SRPK2: variants seen among roughly 807,000 people sequenced by gnomAD.
SRPK2 encodes the protein SFRS protein kinase 2.
In SRPK2, 21 loss-of-function variants were observed where a neutral mutation model predicts 90.8. The observed-to-expected ratio is 0.23, with a 90% confidence interval of 0.16 to 0.33. The LOEUF is 0.33. Among genes scored for constraint, SRPK2 ranks in the 10% least tolerant of loss-of-function variants. SRPK2 has a pLI of 1.00. For synonymous variants in SRPK2, 288 were observed against 311.1 expected, an observed-to-expected ratio of 0.93 and a Z score of 0.78; for missense variants, 620 against 869.0, an observed-to-expected ratio of 0.71 and a Z score of 3.60.
intron 2 of SRPK2, among the ~76,000 whole-genome samples, chr7:105,289,506 C>A (rs1808661132): frequency 6.6e-6 from 1 of 152,086 alleles, no homozygotes; most frequent in Non-Finnish European, 1.5e-5. Context: ...CGGCAGCACT[C>A]TGGGAAGCTG....
intron 2 of SRPK2, among the ~76,000 whole-genome samples, chr7:105,361,946 C>T (rs777060241): frequency 2.2e-5 from 2 of 90,474 alleles, no homozygotes; most frequent in Admixed American, 1.5e-4. Context: ...ACACCGAAAG[C>T]GCCTGGCAAC....
chr7:105,244,299 G>A (rs762863698), intron 2 of SRPK2, among the ~76,000 whole-genome samples: 10 of 152,242 alleles, frequency 6.6e-5, no homozygotes, highest in Non-Finnish European at 1.3e-4. Flanking sequence ...GCCGGGCGCG[G>A]TGGCTCACGC....
At chr7:105,221,334 C>T (rs569230330) in intron 2 of SRPK2, among the ~76,000 whole-genome samples, 4 of 152,158 alleles carry the variant, frequency 2.6e-5, no homozygotes, top group Non-Finnish European at 5.9e-5. Context: ...GGTTTAAGTT[C>T]CAGCTCCATC....
chr7:105,144,373 C>T (rs1302288684), intron 9 of SRPK2, among the ~76,000 whole-genome samples: 2 of 151,632 alleles, frequency 1.3e-5, no homozygotes, highest in East Asian at 1.9e-4. Flanking sequence ...CCTGAGTAGC[C>T]GGGATTACAG....
chr7:105,257,690 C>T (rs1056412113), intron 2 of SRPK2, among the ~76,000 whole-genome samples: 10 of 151,752 alleles, frequency 6.6e-5, no homozygotes, highest in African/African-American at 2.2e-4. Context: ...GTTTAACAGT[C>T]ATTTTTTTTT....
intron 2 of SRPK2, chr7:105,301,617 A>G: frequency 4.4e-6 from 7 of 1,609,172 alleles, no homozygotes; most frequent in Non-Finnish European, 5.9e-6. Flanking sequence ...TTTCTTTTCA[A>G]TATAGGATAG....
rs201228277 is a variant in SRPK2, at chr7:105,133,061, C to T, written c.1587G>A (p.Pro529=). The change falls in exon 12 of 16, where the codon CCG becomes CCA. Residue 529 remains proline (P), a synonymous_variant. Transcript: ENST00000393651. The part of the protein sequence containing the change: ...AADLLVNPLD[P]RNADKIRVKI... ...TTACTCTAATTTTATCTGCATTCCG[C>T]GGATCCAGGGGATTCACCAACAAGT... 8.7e-6 allele frequency: 14 copies of T among 1,614,170 alleles called. No individual in the cohort carries two copies. Among genetic ancestry groups the T allele is most frequent in the East Asian group, 4.5e-5 (2 of 44,892 alleles).
intron 9 of SRPK2, among the ~76,000 whole-genome samples, chr7:105,144,849 G>A (rs1584940768): frequency 6.6e-6 from 1 of 152,176 alleles, no homozygotes; most frequent in East Asian, 1.9e-4. Context: ...GTTCAAACCT[G>A]TAATCCCAGA....
intron 2 of SRPK2, among the ~76,000 whole-genome samples, chr7:105,293,071 G>A (rs890575205): frequency 6.6e-6 from 1 of 152,022 alleles, no homozygotes; most frequent in Non-Finnish European, 1.5e-5. Flanking sequence ...GGAGGGGGGC[G>A]CGGATCACCT....
At chr7:105,129,460 T>C (rs927986934) in intron 13 of SRPK2, among the ~76,000 whole-genome samples, 10 of 152,122 alleles carry the variant, frequency 6.6e-5, no homozygotes, top group African/African-American at 2.4e-4. Context: ...CTACAACCTC[T>C]GCCTCCTGGG....
At chr7:105,297,504 C>T in intron 2 of SRPK2, 4 of 985,354 alleles carry the variant, frequency 4.1e-6, no homozygotes, top group Non-Finnish European at 4.8e-6. Flanking sequence ...GTATCAACAT[C>T]CTACAGCCCA....
chr7:105,263,391 C>A (rs1804596194), intron 2 of SRPK2, among the ~76,000 whole-genome samples: 1 of 151,688 alleles, frequency 6.6e-6, no homozygotes, highest in South Asian at 2.1e-4. Flanking sequence ...GTAAGCCTCC[C>A]AAATGCTCAT....
At chr7:105,347,243 G>T (rs1478512940) in intron 2 of SRPK2, among the ~76,000 whole-genome samples, 1 of 151,968 alleles carries the variant, frequency 6.6e-6, no homozygotes, top group East Asian at 1.9e-4. Flanking sequence ...ATTTAATTTA[G>T]TAGAGACAGG....
At chr7:105,394,680 T>A (rs947779190) in intron 1 of SRPK2, among the ~76,000 whole-genome samples, 1 of 152,224 alleles carries the variant, frequency 6.6e-6, no homozygotes. Flanking sequence ...CATTCAATTT[T>A]CAACAAATAC....
chr7:105,236,624 T>C (rs1298445870), intron 2 of SRPK2, among the ~76,000 whole-genome samples: 1 of 152,056 alleles, frequency 6.6e-6, no homozygotes, highest in East Asian at 1.9e-4. Flanking sequence ...GATGAGAAAT[T>C]CAGAAATTTT....
At chr7:105,198,040 C>T (rs1795130945) in intron 3 of SRPK2, among the ~76,000 whole-genome samples, 2 of 152,180 alleles carry the variant, frequency 1.3e-5, no homozygotes, top group African/African-American at 4.8e-5. Context: ...TAGTTCAAAG[C>T]AATGATTCCG....
At chr7:105,131,895 G>A (rs964116022) in intron 13 of SRPK2, among the ~76,000 whole-genome samples, 1 of 152,104 alleles carries the variant, frequency 6.6e-6, no homozygotes, top group African/African-American at 2.4e-5. Context: ...TCCCAACACG[G>A]AACGCCTAAG....
intron 2 of SRPK2, among the ~76,000 whole-genome samples, chr7:105,350,058 A>G (rs1247882532): frequency 1.3e-5 from 2 of 150,990 alleles, no homozygotes; most frequent in African/African-American, 4.8e-5. Context: ...GTCTTAATAC[A>G]GCAGGCATTA....
rs184516905 is a variant in SRPK2, at chr7:105,162,150, T to C, written c.515-1537A>G. Among the ~76,000 whole-genome samples, 6 of 152,276 alleles carry C rather than the reference T, an allele frequency of 3.9e-5. No homozygotes were observed. The East Asian group carries it at 1.2e-3, about 29-fold the overall frequency. ...TCCACCTCCTGGGTTCAAGCGATTC[T>C]CCTACCTCGGCCTCCCAAATAGCTG... On this transcript the variant is annotated intron_variant, in intron 6 of 15. Coordinates refer to ENST00000393651, the MANE Select transcript of SRPK2 (RefSeq NM_182692.3).
Sources: gnomAD v4.1 joint callset for allele counts (sites outside exome capture counted in the v4.1 genomes callset) on GRCh38, gnomAD v4.1.1 for gene constraint, MANE v1.5 for transcripts, NCBI Gene and HGNC (gene_info 2026-07-23, HGNC 2026-07-21) for gene names.